Variants in FGF12 observed in about 807,000 individuals in gnomAD.
The protein encoded by FGF12 is fibroblast growth factor 12.
In FGF12, 14 loss-of-function variants were observed where a neutral mutation model predicts 23.6. The ratio of observed to expected loss-of-function variants is 0.59; its 90% CI spans 0.39 to 0.93. The LOEUF (loss-of-function observed/expected upper bound fraction) is 0.93, where lower values mean the gene tolerates loss of function less well. Among genes scored for constraint, FGF12 ranks in the 40% least tolerant of loss-of-function variants. FGF12 has a pLI of 0.00. For missense variants in FGF12, 175 were observed against 217.8 expected (o/e 0.80, Z 1.24); for synonymous variants, 62 against 77.3 (o/e 0.80, Z 1.04).
intron 2 of FGF12, among the ~76,000 whole-genome samples, chr3:192,689,610 T>C (rs1217895628): frequency 6.6e-6 from 1 of 151,812 alleles, no homozygotes; most frequent in African/African-American, 2.4e-5. Flanking sequence ...TTGTTTTATA[T>C]CATATAGTAA....
intron 2 of FGF12, among the ~76,000 whole-genome samples, chr3:192,563,718 T>C (rs1712145499): frequency 6.6e-6 from 1 of 152,206 alleles, no homozygotes; most frequent in South Asian, 2.1e-4. Context: ...TATCAATAGA[T>C]AAACACAATG....
intron 4 of FGF12, among the ~76,000 whole-genome samples, chr3:192,326,874 C>T (rs561339311): frequency 1.3e-5 from 2 of 152,270 alleles, no homozygotes; most frequent in African/African-American, 4.8e-5. Context: ...CACATGACTT[C>T]TCTGTTTCCC....
chr3:192,178,093 C>G (rs1715959176), intron 4 of FGF12, among the ~76,000 whole-genome samples: 1 of 152,134 alleles, frequency 6.6e-6, no homozygotes, highest in Admixed American at 6.5e-5. Flanking sequence ...CTGTATATCT[C>G]TAAGTTGTGA....
Position 192,293,067 on chromosome 3 carries a change from A to G in FGF12, c.228+42294T>C, listed in dbSNP as rs914766465. Among the ~76,000 whole-genome samples the G allele has an allele frequency of 2.6e-5, 4 of 152,190 alleles. No individual in the cohort carries two copies. The South Asian group carries it at 8.3e-4, about 32-fold the overall frequency. ...CGTGCTGGGATTATAGGCATAAGCC[A>G]ACAACTGACTTCTTGAGAGGTAATT... On this transcript the variant is annotated intron_variant, in intron 4 of 5. Transcript: ENST00000445105.
intron 2 of FGF12, among the ~76,000 whole-genome samples, chr3:192,572,244 A>G (rs1712672047): frequency 6.6e-6 from 1 of 152,218 alleles, no homozygotes; most frequent in Non-Finnish European, 1.5e-5. Flanking sequence ...CCAGGAACAT[A>G]AAACTGACAG....
chr3:192,202,207 G>A (rs1717405211), intron 4 of FGF12, among the ~76,000 whole-genome samples: 1 of 152,170 alleles, frequency 6.6e-6, no homozygotes, highest in Non-Finnish European at 1.5e-5. Context: ...AATGCAAGAT[G>A]AAGGAAACAG....
At chr3:192,329,875 A>G (rs950703124) in intron 4 of FGF12, among the ~76,000 whole-genome samples, 3 of 152,202 alleles carry the variant, frequency 2.0e-5, no homozygotes, top group Non-Finnish European at 2.9e-5. Flanking sequence ...TTCCTGAACT[A>G]TCGAAAAAGG....
chr3:192,276,377 G>A (rs1329793000), intron 4 of FGF12, among the ~76,000 whole-genome samples: 4 of 152,118 alleles, frequency 2.6e-5, no homozygotes, highest in African/African-American at 7.2e-5. Context: ...ATCATCCAGC[G>A]CAAATCACAA....
At chr3:192,541,860 T>A (rs568920959) in intron 2 of FGF12, among the ~76,000 whole-genome samples, 1 of 152,256 alleles carries the variant, frequency 6.6e-6, no homozygotes, top group African/African-American at 2.4e-5. Flanking sequence ...TTTCTCCTGA[T>A]CTGTTAGGTT....
chr3:192,208,692 A>G (rs1303994972), intron 4 of FGF12, among the ~76,000 whole-genome samples: 3 of 152,208 alleles, frequency 2.0e-5, no homozygotes, highest in Non-Finnish European at 4.4e-5. Flanking sequence ...AAAACAAAAA[A>G]CACTGTTGGG....
intron 2 of FGF12, among the ~76,000 whole-genome samples, chr3:192,430,739 TG>T (rs1441939333): frequency 6.6e-6 from 1 of 152,056 alleles, no homozygotes; most frequent in Non-Finnish European, 1.5e-5. Context: ...AAAGGGGGAA[TG>T]AGGGAAGGCA....
At chr3:192,369,431 C>T (rs753756479) in intron 2 of FGF12, among the ~76,000 whole-genome samples, 1 of 152,206 alleles carries the variant, frequency 6.6e-6, no homozygotes, top group Non-Finnish European at 1.5e-5. Context: ...CAACAGGAAT[C>T]GAATGACCTT....
At chr3:192,383,540 A>G (rs1338457845) in intron 2 of FGF12, among the ~76,000 whole-genome samples, 1 of 46,776 alleles carries the variant, frequency 2.1e-5, no homozygotes, top group Non-Finnish European at 4.6e-5. Flanking sequence ...AAATCTGATT[A>G]AAAAAAAAAA....
chr3:192,349,713 T>C (rs1283557658), intron 3 of FGF12, among the ~76,000 whole-genome samples: 1 of 152,096 alleles, frequency 6.6e-6, no homozygotes, highest in African/African-American at 2.4e-5. Flanking sequence ...TCTTCCTATT[T>C]TCAAAATGGA....
At chr3:192,691,548 A>G (rs1196287667) in intron 2 of FGF12, among the ~76,000 whole-genome samples, 2 of 152,106 alleles carry the variant, frequency 1.3e-5, no homozygotes, top group Admixed American at 6.5e-5. Flanking sequence ...ACTCCTAAGT[A>G]GGATGTTGGC....
At chr3:192,571,904 T>C (rs1002095856) in intron 2 of FGF12, among the ~76,000 whole-genome samples, 1 of 151,904 alleles carries the variant, frequency 6.6e-6, no homozygotes, top group African/African-American at 2.4e-5. Flanking sequence ...CCTGGGAACT[T>C]TCTGAGGGTC....
At chr3:192,565,809 G>A (rs186631459) in intron 2 of FGF12, among the ~76,000 whole-genome samples, 4 of 152,298 alleles carry the variant, frequency 2.6e-5, no homozygotes, top group East Asian at 1.9e-4. Context: ...TGACTGGGCC[G>A]GGCATGGTGG....
Position 192,511,222 on chromosome 3 carries a change from T to TACACACACAC in FGF12, c.14-150694_14-150685dup, listed in dbSNP as rs5855433. On this transcript the variant is annotated intron_variant, in intron 2 of 5. Coordinates refer to ENST00000445105, the MANE Select transcript of FGF12 (RefSeq NM_004113.6). ...AGGCAAGCAAGGAAGCAATTGTGTG[T>TACACACACAC]ACACACACACACACACACACACACA... 7.7e-3 allele frequency among the ~76,000 whole-genome samples: 1,150 copies of TACACACACAC among 149,650 alleles called. 16 individuals are homozygous for TACACACACAC. The highest frequency in any genetic ancestry group is 0.027 in the African/African-American group (1,086 of 40,704).
intron 2 of FGF12, among the ~76,000 whole-genome samples, chr3:192,472,315 CT>C (rs1259397904): frequency 6.6e-6 from 1 of 152,132 alleles, no homozygotes; most frequent in Non-Finnish European, 1.5e-5. Context: ...CGCACCCAGC[CT>C]AATATTTTTA....
Sources: allele counts gnomAD v4.1 joint callset (sites outside exome capture counted in the v4.1 genomes callset), GRCh38; gene constraint gnomAD v4.1.1; transcripts MANE v1.5; gene names NCBI Gene and HGNC (gene_info 2026-07-23, HGNC 2026-07-21).